RBFOX1: variants seen among roughly 807,000 people sequenced by gnomAD.
RBFOX1 encodes RNA binding protein fox-1 homolog 1.
In RBFOX1, 8 loss-of-function variants were observed where a neutral mutation model predicts 57.7. That is an observed-to-expected ratio of 0.14 (90% confidence interval 0.08 to 0.25). The LOEUF is 0.25. RBFOX1 is among the 10% of genes least tolerant of loss of function. The pLI is 1.00. For missense variants in RBFOX1, 611 were observed against 548.5 expected, an observed-to-expected ratio of 1.11 and a Z score of -1.14; for synonymous variants, 326 against 222.4, an observed-to-expected ratio of 1.47 and a Z score of -4.15.
chr16:5,714,496 G>A (rs572143448), intron 3 of RBFOX1, among the ~76,000 whole-genome samples: 3 of 152,208 alleles, frequency 2.0e-5, no homozygotes, highest in South Asian at 4.1e-4. Context: ...GCGAGCCCAG[G>A]TGCATAGGCA....
At chr16:7,592,694 G>C (rs766327231) in intron 7 of RBFOX1, among the ~76,000 whole-genome samples, 2 of 152,186 alleles carry the variant, frequency 1.3e-5, no homozygotes, top group East Asian at 1.9e-4. Context: ...GGAAGAGAAC[G>C]TTGCCAAGAA....
chr16:7,520,153 G>A (rs1374903534), intron 5 of RBFOX1, among the ~76,000 whole-genome samples: 2 of 152,108 alleles, frequency 1.3e-5, no homozygotes, highest in Non-Finnish European at 2.9e-5. Context: ...CCAAAGTGCT[G>A]GGATTACAGG....
intron 14 of RBFOX1, among the ~76,000 whole-genome samples, chr16:7,700,671 A>T (rs1233774400): frequency 6.6e-6 from 1 of 152,214 alleles, no homozygotes; most frequent in African/African-American, 2.4e-5. Flanking sequence ...ATTAAAGAGA[A>T]TGTGCCTACA....
intron 3 of RBFOX1, among the ~76,000 whole-genome samples, chr16:6,866,062 T>C (rs1438786317): frequency 6.6e-6 from 1 of 152,140 alleles, no homozygotes; most frequent in Non-Finnish European, 1.5e-5. Flanking sequence ...TAAATCAGGA[T>C]TGAAATAGAA....
intron 1 of RBFOX1, among the ~76,000 whole-genome samples, chr16:6,106,953 G>C (rs1307398561): frequency 6.6e-6 from 1 of 152,052 alleles, no homozygotes; most frequent in Admixed American, 6.5e-5. Context: ...TTACAGGCGT[G>C]AGCCACCATG....
rs12445812 is a variant in RBFOX1, at chr16:6,835,860, G to T, written c.-16+181210G>T. Among the ~76,000 whole-genome samples, 572 of 151,532 alleles carry T rather than the reference G, an allele frequency of 3.8e-3. 6 individuals carry two copies. The highest frequency in any genetic ancestry group is 0.023 in the South Asian group (109 of 4,768). On this transcript the variant is annotated intron_variant, in intron 3 of 15. Coordinates refer to ENST00000550418, the MANE Select transcript of RBFOX1 (RefSeq NM_018723.4). ...TCCATAATGTGATACAGGGACCCAG[G>T]CTCCTTCCCTAGGTGGCTCCACCTT...
At chr16:5,581,886 C>A (rs1201436542) in intron 2 of RBFOX1, among the ~76,000 whole-genome samples, 2 of 151,990 alleles carry the variant, frequency 1.3e-5, no homozygotes, top group Admixed American at 6.6e-5. Context: ...GGAAGTGATG[C>A]AAGATTTAGG....
intron 3 of RBFOX1, among the ~76,000 whole-genome samples, chr16:5,635,662 A>G (rs1208032953): frequency 6.6e-6 from 1 of 152,108 alleles, no homozygotes; most frequent in Non-Finnish European, 1.5e-5. Context: ...CCCCCTCTCT[A>G]TGCCAAAAGT....
intron 3 of RBFOX1, among the ~76,000 whole-genome samples, chr16:7,026,462 C>A (rs1196028790): frequency 6.6e-6 from 1 of 151,988 alleles, no homozygotes; most frequent in Non-Finnish European, 1.5e-5. Context: ...TTTTCTTCTT[C>A]TTTCATTTTT....
intron 5 of RBFOX1, among the ~76,000 whole-genome samples, chr16:7,528,086 A>G (rs1463747690): frequency 6.6e-6 from 1 of 152,208 alleles, no homozygotes; most frequent in Admixed American, 6.5e-5. Context: ...TAGAGAAGGA[A>G]ATGACTGAAG....
intron 2 of RBFOX1, among the ~76,000 whole-genome samples, chr16:6,394,657 T>G (rs1023548555): frequency 1.3e-5 from 2 of 149,716 alleles, no homozygotes; most frequent in South Asian, 4.2e-4. Context: ...GTATTAGATA[T>G]ATATATGATA....
intron 2 of RBFOX1, among the ~76,000 whole-genome samples, chr16:6,360,519 A>G (rs775936260): frequency 2.6e-5 from 4 of 152,206 alleles, no homozygotes; most frequent in South Asian, 2.1e-4. Flanking sequence ...ACATTTACAC[A>G]GTCTTGAAAG....
chr16:7,657,143 A>C (rs899006080), intron 12 of RBFOX1, among the ~76,000 whole-genome samples: 1 of 152,180 alleles, frequency 6.6e-6, no homozygotes, highest in Non-Finnish European at 1.5e-5. Context: ...AGGTCCATGC[A>C]TGGCTTCCAC....
chr16:7,041,415 G>A (rs534065884), intron 3 of RBFOX1, among the ~76,000 whole-genome samples: 110 of 152,250 alleles, frequency 7.2e-4, no homozygotes, highest in African/African-American at 2.4e-3. Context: ...AATTCCTAAT[G>A]TAGATGAACC....
At chr16:6,684,260 A>G (rs1446949415) in intron 3 of RBFOX1, among the ~76,000 whole-genome samples, 1 of 152,226 alleles carries the variant, frequency 6.6e-6, no homozygotes, top group South Asian at 2.1e-4. Context: ...TGTGGCCAGA[A>G]GATGGCAGTG....
At chr16:7,448,254 G>A (rs1033458861) in intron 4 of RBFOX1, among the ~76,000 whole-genome samples, 1 of 151,938 alleles carries the variant, frequency 6.6e-6, no homozygotes, top group Admixed American at 6.6e-5. Context: ...GTGTAGGCAA[G>A]GTGGATTCCT....
chr16:5,420,081 C>A (rs764849792), intron 1 of RBFOX1, among the ~76,000 whole-genome samples: 2 of 152,106 alleles, frequency 1.3e-5, no homozygotes, highest in African/African-American at 4.8e-5. Context: ...AGAGAGCAGA[C>A]GGGTGCTGTT....
intron 3 of RBFOX1, among the ~76,000 whole-genome samples, chr16:7,039,044 G>A (rs1286186830): frequency 1.0e-4 from 5 of 48,876 alleles, no homozygotes; most frequent in Admixed American, 5.1e-4. Context: ...ATGTTTAAAG[G>A]AATATCAGAA....
chr16:6,321,701 A>G (rs963077039), intron 2 of RBFOX1, among the ~76,000 whole-genome samples: 1 of 152,224 alleles, frequency 6.6e-6, no homozygotes, highest in Non-Finnish European at 1.5e-5. Context: ...GAGGGATGGA[A>G]GAATGAAGAG....
Sources: gnomAD v4.1 joint callset for allele counts (sites outside exome capture counted in the v4.1 genomes callset) on GRCh38, gnomAD v4.1.1 for gene constraint, MANE v1.5 for transcripts, NCBI Gene and HGNC (gene_info 2026-07-23, HGNC 2026-07-21) for gene names.